Variants in SRCIN1 observed in about 807,000 individuals in gnomAD.
The protein encoded by SRCIN1 is P130Cas-associated protein.
SRCIN1 carries 50 observed loss-of-function variants against 116.2 expected under a neutral mutation model. That is an observed-to-expected ratio of 0.43 (90% CI 0.34 to 0.54). SRCIN1 has a LOEUF of 0.54. Ranked by LOEUF, SRCIN1 falls within the 20% of genes least tolerant of loss-of-function variation. SRCIN1 has a pLI of 0.02. For synonymous variants in SRCIN1, 736 were observed against 750.0 expected (o/e 0.98, Z 0.30); for missense variants, 1,446 against 1,672.0 (o/e 0.86, Z 2.36).
At chr17:38,567,086 T>C (rs1906764758) in intron 3 of SRCIN1, among the ~76,000 whole-genome samples, 1 of 152,176 alleles carries the variant, frequency 6.6e-6, no homozygotes, top group African/African-American at 2.4e-5. Flanking sequence ...CCTCCCTCCT[T>C]GGCCAACAAG....
In SRCIN1 at chr17:38,562,416, A is replaced by G. The variant is rs547695842; in HGVS notation, c.835-88T>C. On this transcript the variant is annotated intron_variant, in intron 6 of 18. Coordinates refer to ENST00000617146, the MANE Select transcript of SRCIN1 (RefSeq NM_025248.3). This position sits in a 1 kb window ranked among gnomAD's most constrained non-coding sequence, Gnocchi z 4.2. ...TTGAGGAGCCAGCATCTCCTCCCTGACGCTTAGGAAGTCCCTTCTGCTCTC... is the reference window on the plus strand; with the variant it reads ...TTGAGGAGCCAGCATCTCCTCCCTGGCGCTTAGGAAGTCCCTTCTGCTCTC... 26 of 1,346,390 alleles carry G rather than the reference A, an allele frequency of 1.9e-5. No individual in the cohort carries two copies. In the African/African-American group the frequency reaches 3.7e-4, roughly 19 times the overall value. 83.4% of individuals were successfully genotyped at this position (1,346,390 alleles called of 1,614,324 possible).
chr17:38,573,422 G>A (rs1275340641), intron 2 of SRCIN1, among the ~76,000 whole-genome samples: 1 of 152,244 alleles, frequency 6.6e-6, no homozygotes, highest in Non-Finnish European at 1.5e-5. Context: ...CAGCCTTAGG[G>A]GCAGGGAGTG....
chr17:38,585,326 C>T lies in SRCIN1; in HGVS notation c.23-6535G>A, dbSNP rs1908053502. The stretch of plus-strand genomic sequence containing the variant: ...AGTCCCTCCTCTGCAGCCAATGCTA[C>T]AGGAGCCCAAGTCAGCCAGGAGGAG... On this transcript the variant is annotated intron_variant, in intron 1 of 18. Transcript: ENST00000617146. This position sits in a 1 kb window ranked among gnomAD's most constrained non-coding sequence, Gnocchi z 4.2. Among the ~76,000 whole-genome samples, 1 of 152,220 alleles carries T rather than the reference C, an allele frequency of 6.6e-6. No homozygotes were observed. Among genetic ancestry groups the T allele is most frequent in the South Asian group, 2.1e-4 (1 of 4,828 alleles).
intron 18 of SRCIN1, chr17:38,542,162 TG>T (rs2144898696): frequency 6.7e-6 from 1 of 149,494 alleles, no homozygotes; most frequent in Non-Finnish European, 1.5e-5. Context: ...GGGTGGAGGC[TG>T]GGCCATAAAG....
At chr17:38,590,829 T>C (rs1908399730) in intron 1 of SRCIN1, among the ~76,000 whole-genome samples, 1 of 152,176 alleles carries the variant, frequency 6.6e-6, no homozygotes, top group African/African-American at 2.4e-5. Flanking sequence ...CATCTGTGAG[T>C]ACTCATCTAA....
At chr17:38,550,460 C>G (rs372011004) in intron 15 of SRCIN1, among the ~76,000 whole-genome samples, 2 of 152,084 alleles carry the variant, frequency 1.3e-5, no homozygotes, top group Non-Finnish European at 2.9e-5. Context: ...CGCCACTGCA[C>G]TCCAGCCTGG....
At position 38,564,179 on chromosome 17, in the gene SRCIN1, G is replaced by A. The variant is rs1412866942; in HGVS notation, c.480C>T (p.Asn160=). The A allele has an allele frequency of 8.2e-6, 13 of 1,595,086 alleles. No individual in the cohort carries two copies. The highest frequency in any genetic ancestry group is 1.3e-5 in the African/African-American group (1 of 74,708). The change falls in exon 4 of 19, where the codon AAC becomes AAT. Residue 160 remains asparagine, a synonymous_variant. Coordinates refer to ENST00000617146, the MANE Select transcript of SRCIN1 (RefSeq NM_025248.3). The stretch of plus-strand genomic sequence containing the variant: ...AGAGAGGCAGGCTCTGTCGGAAGCG[G>A]TTCATCCTGCTGAAGCCCAGGGGCA... ...AELPLGFSRM[N]RFRQSLPLSR... is the part of the protein sequence containing the mutation.
intron 1 of SRCIN1, among the ~76,000 whole-genome samples, chr17:38,593,316 T>C (rs185841493): frequency 2.0e-5 from 3 of 151,882 alleles, no homozygotes; most frequent in Middle Eastern, 3.4e-3. Flanking sequence ...AGGAACAGGG[T>C]TGGGGAGGAA....
chr17:38,536,332 T>A (rs957396156), intron 18 of SRCIN1, among the ~76,000 whole-genome samples: 1 of 152,222 alleles, frequency 6.6e-6, no homozygotes, highest in African/African-American at 2.4e-5. Flanking sequence ...AAGGTTCCTG[T>A]CATTTCCTTT....
chr17:38,552,984 G>A lies in SRCIN1; in HGVS notation c.2202-129C>T, dbSNP rs566500526. 1,410 of 1,416,968 alleles carry A rather than the reference G, an allele frequency of 1.0e-3. 3 individuals carry two copies. Among genetic ancestry groups the A allele is most frequent in the Admixed American group, 3.0e-3 (129 of 43,460 alleles). The allele number at this position is 1,416,968 out of a possible 1,614,324, so 87.8% of individuals were successfully genotyped here. Reference sequence around the variant, plus strand: ...AAGTAAAAGCAGGAGGCTGGGCACCGTGGCTCACGCCCGTAATCTCAGTAC... The same window carrying A: ...AAGTAAAAGCAGGAGGCTGGGCACCATGGCTCACGCCCGTAATCTCAGTAC... On this transcript the variant is annotated intron_variant, in intron 11 of 18. Transcript: ENST00000617146. The surrounding 1 kb of genome is among the most constrained non-coding windows in gnomAD (Gnocchi z 5.3).
chr17:38,576,093 C>T (rs1343003306), intron 2 of SRCIN1, among the ~76,000 whole-genome samples: 1 of 152,104 alleles, frequency 6.6e-6, no homozygotes, highest in African/African-American at 2.4e-5. Flanking sequence ...CATGCTAGAA[C>T]ATAGGAGGCC....
chr17:38,578,858 G>A, intron 1 of SRCIN1, 67 bp from the exon 2 acceptor site: 2 of 1,426,248 alleles, frequency 1.4e-6, no homozygotes, highest in Non-Finnish European at 1.8e-6. Context: ...CATCCCCCAA[G>A]GGGGTCCCTG....
In SRCIN1 at chr17:38,568,103, G is replaced by A; in HGVS notation, c.345+108C>T. ...AGGCCCACCGCCCATACCAGAAGGT[G>A]TCCGTGCAGATGCGCACCCCGGTGC... On this transcript the variant is annotated intron_variant, in intron 3 of 18. Transcript: ENST00000617146. This position sits in a 1 kb window ranked among gnomAD's most constrained non-coding sequence, Gnocchi z 4.5. 1.5e-6 allele frequency: 2 copies of A among 1,358,646 alleles called. No individual in the cohort carries two copies. Among genetic ancestry groups the A allele is most frequent in the Non-Finnish European group, 2.1e-6 (2 of 963,732 alleles). The allele number at this position is 1,358,646 out of a possible 1,614,324, so 84.2% of individuals were successfully genotyped here. A position where few individuals can be genotyped will look rare whatever the true frequency, so the allele number is the denominator to read the frequency against.
chr17:38,579,904 T>C (rs1361665451), intron 1 of SRCIN1, among the ~76,000 whole-genome samples: 5 of 152,018 alleles, frequency 3.3e-5, no homozygotes, highest in African/African-American at 1.2e-4. Context: ...GCATAAAACA[T>C]AGATTTGTGC....
rs1362401568 is a variant in SRCIN1, at chr17:38,562,362, T to C, written c.835-34A>G. On this transcript the variant is annotated intron_variant, in intron 6 of 18. Transcript: ENST00000617146. This position sits in a 1 kb window ranked among gnomAD's most constrained non-coding sequence, Gnocchi z 4.2. ...AAGACAGCCCGGAACCCCACGGGGC[T>C]GGTCACCAAGGACACCCCTGTCCCT... The C allele has an allele frequency of 1.4e-6, 2 of 1,412,206 alleles. No homozygotes were observed. The highest frequency in any genetic ancestry group is 1.8e-6 in the Non-Finnish European group (2 of 1,092,360). 87.5% of individuals were successfully genotyped at this position (1,412,206 alleles called of 1,614,324 possible). A position where few individuals can be genotyped will look rare whatever the true frequency, so the allele number is the denominator to read the frequency against.
Position 38,552,368 on chromosome 17 carries a change from G to T in SRCIN1, c.2480+79C>A. ...CGCCAGTGACCTTTGGGGGAGTTGG[G>T]GTAAGGGTTCAGTATGACCTATGGG... On this transcript the variant is annotated intron_variant, in intron 13 of 18. Transcript: ENST00000617146. This position sits in a 1 kb window ranked among gnomAD's most constrained non-coding sequence, Gnocchi z 5.3. 6.6e-7 allele frequency: 1 copy of T among 1,505,972 alleles called. No homozygotes were observed. Among genetic ancestry groups the T allele is most frequent in the African/African-American group, 1.4e-5 (1 of 71,102 alleles). The allele number at this position is 1,505,972 out of a possible 1,614,324, so 93.3% of individuals were successfully genotyped here.
chr17:38,540,740 GGTGT>G (rs151164930), intron 18 of SRCIN1, among the ~76,000 whole-genome samples: 14,454 of 146,648 alleles, frequency 0.099, 789 homozygotes, highest in Middle Eastern at 0.18. Context: ...AGCTGGCAGG[GGTGT>G]GTGTGTGTGT....
Position 38,563,824 on chromosome 17 carries a change from A to C in SRCIN1, c.541+294T>G. On this transcript the variant is annotated intron_variant, in intron 4 of 18. Transcript: ENST00000617146. This position sits in a 1 kb window ranked among gnomAD's most constrained non-coding sequence, Gnocchi z 5.8. ...TGAGGGGAAGTGAGCTGAGGGAGAG[A>C]GAGGTTGGAGAGAGTTAGAGAAGGG... The C allele has an allele frequency of 1.6e-6, 1 of 626,046 alleles. No homozygotes were observed. Among genetic ancestry groups the C allele is most frequent in the South Asian group, 1.9e-5 (1 of 53,884 alleles). The allele number at this position is 626,046 out of a possible 1,614,324, so 38.8% of individuals were successfully genotyped here. A position where few individuals can be genotyped will look rare whatever the true frequency, so the allele number is the denominator to read the frequency against.
In SRCIN1 at chr17:38,539,021, G is replaced by A. The variant is rs577544147; in HGVS notation, c.3417+4802C>T. Among the ~76,000 whole-genome samples the A allele has an allele frequency of 5.3e-5, 8 of 152,286 alleles. 1 individual carries two copies. Among genetic ancestry groups the A allele is most frequent in the African/African-American group, 1.7e-4 (7 of 41,558 alleles). On this transcript the variant is annotated intron_variant, in intron 18 of 18. Transcript: ENST00000617146. ...TGCAACAAATGGTAGCCATTATAGC[G>A]ATTGTCATTTTAACCTTTCAGATTT...
Sources: allele counts gnomAD v4.1 joint callset (sites outside exome capture counted in the v4.1 genomes callset), GRCh38; gene constraint gnomAD v4.1.1; non-coding constraint Gnocchi (gnomAD v3.1); transcripts MANE v1.5; gene names NCBI Gene and HGNC (gene_info 2026-07-23, HGNC 2026-07-21).